Variants in CTNNA2 observed in about 807,000 individuals in gnomAD.
CTNNA2 encodes catenin alpha-2.
Under a neutral mutation model 101.0 loss-of-function variants are expected in CTNNA2, and 42 were observed. That is an observed-to-expected ratio of 0.42 (90% CI 0.32 to 0.54). The LOEUF (loss-of-function observed/expected upper bound fraction) is 0.54. Among genes scored for constraint, CTNNA2 ranks in the 20% least tolerant of loss-of-function variants. The pLI, the probability that CTNNA2 is intolerant of heterozygous loss-of-function variation, is 0.14. For missense variants in CTNNA2, 871 were observed against 1,223.1 expected, an observed-to-expected ratio of 0.71 and a Z score of 4.29; for synonymous variants, 450 against 456.4, an observed-to-expected ratio of 0.99 and a Z score of 0.18.
At chr2:80,020,300 A>G (rs1225068574) in intron 7 of CTNNA2, among the ~76,000 whole-genome samples, 1 of 152,180 alleles carries the variant, frequency 6.6e-6, no homozygotes, top group South Asian at 2.1e-4. Context: ...ATTGTATACA[A>G]GGGGGTGTTG....
intron 7 of CTNNA2, among the ~76,000 whole-genome samples, chr2:80,271,561 A>G (rs1673486798): frequency 6.6e-6 from 1 of 152,040 alleles, no homozygotes; most frequent in Non-Finnish European, 1.5e-5. Context: ...AGCTGGGACT[A>G]CAGGCGCAAG....
intron 2 of CTNNA2, among the ~76,000 whole-genome samples, chr2:79,702,894 A>G (rs1156337539): frequency 6.6e-6 from 1 of 152,132 alleles, no homozygotes; most frequent in African/African-American, 2.4e-5. Flanking sequence ...TTGTGATGTT[A>G]ACTTCTGGGT....
At chr2:80,582,875 T>G (rs1695657371) in intron 14 of CTNNA2, among the ~76,000 whole-genome samples, 2 of 152,130 alleles carry the variant, frequency 1.3e-5, no homozygotes, top group South Asian at 4.1e-4. Context: ...GAGGTTAAAA[T>G]AAAGAGGACT....
chr2:80,391,588 G>T (rs1677524687), intron 7 of CTNNA2, among the ~76,000 whole-genome samples: 1 of 152,158 alleles, frequency 6.6e-6, no homozygotes, highest in African/African-American at 2.4e-5. Flanking sequence ...CCTGTATTTT[G>T]ATGGCAGACA....
At chr2:79,318,356 G>T (rs1676544659) in intron 3 of CTNNA2, among the ~76,000 whole-genome samples, 1 of 151,978 alleles carries the variant, frequency 6.6e-6, no homozygotes, top group South Asian at 2.1e-4. Context: ...ATGGGGAAAA[G>T]AAAAAAGAAG....
At chr2:79,800,005 A>G (rs1310273377) in intron 3 of CTNNA2, among the ~76,000 whole-genome samples, 1 of 152,170 alleles carries the variant, frequency 6.6e-6, no homozygotes. Context: ...CAAGTGACTG[A>G]TACAGTTTTT....
rs150082623 is a variant in CTNNA2, at chr2:80,138,925, G to A, written c.1056+229128G>A. Among the ~76,000 whole-genome samples, 504 of 151,936 alleles carry A rather than the reference G, an allele frequency of 3.3e-3. 1 individual carries two copies. The highest frequency in any genetic ancestry group is 5.4e-3 in the Non-Finnish European group (370 of 67,948). ...GTGCCCCTCTCCCTTTTTTGCTGTC[G>A]TAGTGGCCAATCAATTCCCTGTACC... On this transcript the variant is annotated intron_variant, in intron 7 of 18. Transcript: ENST00000402739.
intron 15 of CTNNA2, among the ~76,000 whole-genome samples, chr2:80,600,158 G>A (rs1697359844): frequency 1.3e-5 from 2 of 151,844 alleles, no homozygotes; most frequent in Non-Finnish European, 2.9e-5. Context: ...TTGGTTACTG[G>A]TTGGAAAAAT....
At chr2:80,083,794 T>C (rs1458185030) in intron 7 of CTNNA2, among the ~76,000 whole-genome samples, 1 of 152,164 alleles carries the variant, frequency 6.6e-6, no homozygotes, top group African/African-American at 2.4e-5. Context: ...TATTTTTTCA[T>C]TGTGGGTTAA....
rs149265835 is a variant in CTNNA2 at position 80,482,374 on chromosome 2, A to C, written c.1291-62608A>C. On this transcript the variant is annotated intron_variant, in intron 9 of 18. Transcript: ENST00000402739. Reference sequence around the variant, plus strand: ...CCTGGTACTGGTAGGTGGTGGCTGAAAAAGGAATATTTAGAGCAGGGGTCA... The same window carrying C: ...CCTGGTACTGGTAGGTGGTGGCTGACAAAGGAATATTTAGAGCAGGGGTCA... Among the ~76,000 whole-genome samples the C allele has an allele frequency of 7.4e-3, 1,119 of 152,238 alleles. 9 individuals are homozygous for C. Among genetic ancestry groups the C allele is most frequent in the South Asian group, 0.023 (112 of 4,820 alleles).
At chr2:80,589,903 T>TAC (rs1696304975) in intron 15 of CTNNA2, among the ~76,000 whole-genome samples, 2 of 144,410 alleles carry the variant, frequency 1.4e-5, no homozygotes, top group Non-Finnish European at 3.1e-5. Context: ...TGTGTGTGTG[T>TAC]GTGCGCGCGC....
Position 79,479,688 on chromosome 2 carries a change from C to T in CTNNA2, c.-134-25366C>T, listed in dbSNP as rs534360320. ...TTGTAATCCTAGCACTTTGGGAGGC[C>T]GAGGCGGGCGGATTGCCTGAGGTCA... On this transcript the variant is annotated intron_variant, in intron 4 of 21. Transcript: ENST00000466387. 7.6e-4 allele frequency among the ~76,000 whole-genome samples: 116 copies of T among 152,062 alleles called. 1 individual carries two copies. Among genetic ancestry groups the T allele is most frequent in the Non-Finnish European group, 1.4e-3 (97 of 67,972 alleles).
chr2:80,363,699 G>T (rs367908543), intron 7 of CTNNA2, among the ~76,000 whole-genome samples: 1 of 152,112 alleles, frequency 6.6e-6, no homozygotes, highest in Non-Finnish European at 1.5e-5. Context: ...AAATAATGTG[G>T]CTAGTATGAT....
At chr2:79,512,831 C>A (rs1000668673), upstream of CTNNA2, among the ~76,000 whole-genome samples, 5 of 151,518 alleles carry the variant, frequency 3.3e-5, no homozygotes, top group Admixed American at 6.6e-5. Flanking sequence ...CCCCACCCAG[C>A]CACCCCTCGA....
chr2:79,669,005 G>T (rs1682640448), intron 2 of CTNNA2, among the ~76,000 whole-genome samples: 1 of 152,182 alleles, frequency 6.6e-6, no homozygotes, highest in Admixed American at 6.5e-5. Context: ...ATCCCAGCAG[G>T]CTGGGTGAGG....
At chr2:79,341,363 C>A (rs1677133263) in intron 3 of CTNNA2, among the ~76,000 whole-genome samples, 1 of 152,030 alleles carries the variant, frequency 6.6e-6, no homozygotes, top group Non-Finnish European at 1.5e-5. Flanking sequence ...CCCTAACTGC[C>A]CATTTCTGAT....
intron 8 of CTNNA2, among the ~76,000 whole-genome samples, chr2:80,411,956 C>T (rs1679610576): frequency 6.6e-6 from 1 of 152,182 alleles, no homozygotes. Context: ...CCTCATCTCA[C>T]CGCTGCAGTT....
intron 7 of CTNNA2, among the ~76,000 whole-genome samples, chr2:80,226,106 A>G (rs1010337936): frequency 5.3e-5 from 8 of 152,184 alleles, no homozygotes; most frequent in Non-Finnish European, 1.0e-4. Context: ...GAGGATTGAG[A>G]TAATCCATCC....
intron 7 of CTNNA2, among the ~76,000 whole-genome samples, chr2:80,306,375 CTTTCTTTTCT>C (rs1221909340): frequency 3.3e-4 from 46 of 139,578 alleles, no homozygotes; most frequent in African/African-American, 9.8e-4. Context: ...TTCTTTCTTT[CTTTCTTTTCT>C]TTTCTTTTCT....
Sources: allele counts gnomAD v4.1 joint callset (sites outside exome capture counted in the v4.1 genomes callset), GRCh38; gene constraint gnomAD v4.1.1; transcripts MANE v1.5; gene names NCBI Gene and HGNC (gene_info 2026-07-23, HGNC 2026-07-21).